Variants in ADGRL2 observed in about 807,000 individuals in gnomAD.
ADGRL2 encodes adhesion G protein-coupled receptor L2.
ADGRL2 carries 44 observed loss-of-function variants against 157.4 expected under a neutral mutation model. That is an observed-to-expected ratio of 0.28 (90% CI 0.22 to 0.36). The LOEUF (loss-of-function observed/expected upper bound fraction) is 0.36, where lower values mean the gene tolerates loss of function less well. Ranked by LOEUF, ADGRL2 falls within the 10% of genes least tolerant of loss-of-function variation. The pLI is 1.00. For missense variants in ADGRL2, 1,510 were observed against 1,768.9 expected (o/e 0.85, Z 2.63); for synonymous variants, 585 against 624.7 (o/e 0.94, Z 0.95).
chr1:81,544,066 C>G (rs1391075358), intron 2 of ADGRL2, among the ~76,000 whole-genome samples: 1 of 152,154 alleles, frequency 6.6e-6, no homozygotes, highest in African/African-American at 2.4e-5. Context: ...GTTTCAGATG[C>G]TAACCTCTAC....
At chr1:81,395,241 A>T (rs754439931) in intron 1 of ADGRL2, among the ~76,000 whole-genome samples, 4 of 152,056 alleles carry the variant, frequency 2.6e-5, no homozygotes, top group Non-Finnish European at 5.9e-5. Context: ...GGGTGAGATG[A>T]TATCTCATTG....
chr1:81,990,463 G>A lies in ADGRL2; in HGVS notation c.3728G>A (p.Ser1243Asn), dbSNP rs765624220. 5 of 1,614,108 alleles carry A rather than the reference G, an allele frequency of 3.1e-6. No homozygotes were observed. The highest frequency in any genetic ancestry group is 4.2e-6 in the Non-Finnish European group (5 of 1,179,956). The change falls in exon 24 of 24, where the codon AGC (serine) becomes AAC (asparagine). Residue 1243 changes from serine to asparagine, a missense_variant. Physicochemically the swap from Ser to Asn is conservative, Grantham distance 46. Transcript: ENST00000686636. ...TLPLNGNFNN[S>N]YSLHKGDYND... ...CCGCTAAATGGTAATTTTAACAACA[G>A]CTACTCGCTGCACAAGGGTGACTAT...
intron 3 of ADGRL2, among the ~76,000 whole-genome samples, chr1:81,641,625 A>G (rs961524432): frequency 2.6e-5 from 4 of 152,220 alleles, no homozygotes; most frequent in Non-Finnish European, 5.9e-5. Context: ...AAAATACTTG[A>G]AACTAAATGA....
intron 1 of ADGRL2, among the ~76,000 whole-genome samples, chr1:81,424,243 G>A (rs1333698708): frequency 6.6e-6 from 1 of 152,266 alleles, no homozygotes; most frequent in East Asian, 1.9e-4. Flanking sequence ...GTGTTTTCCC[G>A]ACAGCTGTAT....
intron 2 of ADGRL2, among the ~76,000 whole-genome samples, chr1:81,763,937 C>T (rs528274216): frequency 3.4e-4 from 51 of 148,532 alleles, no homozygotes; most frequent in Middle Eastern, 3.5e-3. Flanking sequence ...ACCCAGGAGG[C>T]GGATGTTGCA....
chr1:81,412,816 G>A (rs1466035508), intron 1 of ADGRL2, among the ~76,000 whole-genome samples: 1 of 152,190 alleles, frequency 6.6e-6, no homozygotes, highest in Non-Finnish European at 1.5e-5. Flanking sequence ...GGAAACATAT[G>A]AGTCAGTCCA....
intron 1 of ADGRL2, among the ~76,000 whole-genome samples, chr1:81,365,040 T>C (rs945981952): frequency 1.4e-4 from 21 of 152,194 alleles, no homozygotes; most frequent in Non-Finnish European, 2.9e-5. Flanking sequence ...ATTTATTTGC[T>C]TTCATTTGCT....
intron 1 of ADGRL2, among the ~76,000 whole-genome samples, chr1:81,410,216 T>G (rs2076924387): frequency 6.6e-6 from 1 of 152,238 alleles, no homozygotes; most frequent in Admixed American, 6.5e-5. Context: ...CTGCCATTCT[T>G]TTTTGTCATA....
intron 1 of ADGRL2, among the ~76,000 whole-genome samples, chr1:81,367,546 G>T (rs1027704196): frequency 2.0e-5 from 3 of 152,060 alleles, no homozygotes; most frequent in Admixed American, 2.0e-4. Flanking sequence ...CAAAGAACAT[G>T]ACCTTGTTTC....
Position 81,641,163 on chromosome 1 carries a change from A to G in ADGRL2, c.-143+60183A>G, listed in dbSNP as rs545714721. On this transcript the variant is annotated intron_variant, in intron 3 of 24. Transcript: ENST00000370721. ...TCAATTGAGATCTTTTTAAAAATATATATAAGGCAAATATCGACAGAACTG... is the reference window on the plus strand; with the variant it reads ...TCAATTGAGATCTTTTTAAAAATATGTATAAGGCAAATATCGACAGAACTG... 1.2e-4 allele frequency among the ~76,000 whole-genome samples: 19 copies of G among 152,330 alleles called. No individual in the cohort carries two copies. In the South Asian group the frequency reaches 1.4e-3, roughly 12 times the overall value.
chr1:81,914,407 G>A (rs1052427081), intron 3 of ADGRL2, among the ~76,000 whole-genome samples: 2 of 151,952 alleles, frequency 1.3e-5, no homozygotes, highest in Non-Finnish European at 2.9e-5. Flanking sequence ...TTTGGGGTTG[G>A]TATATTTTAT....
chr1:81,869,825 G>C (rs1164206174), intron 2 of ADGRL2, among the ~76,000 whole-genome samples: 2 of 151,906 alleles, frequency 1.3e-5, no homozygotes, highest in African/African-American at 4.8e-5. Context: ...GATTTAAGTT[G>C]AGTCTTCAAT....
At chr1:81,808,505 T>A (rs1479442381) in intron 1 of ADGRL2, among the ~76,000 whole-genome samples, 1 of 152,040 alleles carries the variant, frequency 6.6e-6, no homozygotes, top group Non-Finnish European at 1.5e-5. Flanking sequence ...TTGCATGACA[T>A]ACGAGAAACT....
intron 1 of ADGRL2, among the ~76,000 whole-genome samples, chr1:81,807,636 G>C (rs2089325223): frequency 6.6e-6 from 1 of 151,898 alleles, no homozygotes; most frequent in African/African-American, 2.4e-5. Flanking sequence ...CCTTGACTTA[G>C]TGTGGTAATT....
intron 1 of ADGRL2, among the ~76,000 whole-genome samples, chr1:81,365,207 A>C (rs1480389528): frequency 3.3e-5 from 5 of 152,296 alleles, no homozygotes; most frequent in Middle Eastern, 3.4e-3. Context: ...CAACAGAGTT[A>C]AGCCAAAAGG....
At chr1:81,419,864 G>C (rs987220180) in intron 1 of ADGRL2, among the ~76,000 whole-genome samples, 1 of 152,076 alleles carries the variant, frequency 6.6e-6, no homozygotes, top group Non-Finnish European at 1.5e-5. Context: ...CAGTGAAAAC[G>C]TCTGGTCTAA....
intron 2 of ADGRL2, among the ~76,000 whole-genome samples, chr1:81,862,583 G>GAATA (rs767654610): frequency 2.6e-5 from 4 of 152,110 alleles, no homozygotes; most frequent in African/African-American, 4.8e-5. Context: ...ATGAATGAAT[G>GAATA]AATGACAGAA....
At chr1:81,879,577 G>T (rs544332387) in intron 2 of ADGRL2, among the ~76,000 whole-genome samples, 167 of 148,420 alleles carry the variant, frequency 1.1e-3, no homozygotes, top group African/African-American at 4.0e-3. Flanking sequence ...TTTATAATGA[G>T]AAAGAAAGAA....
chr1:81,931,644 G>T (rs1039622289), intron 3 of ADGRL2, among the ~76,000 whole-genome samples: 1 of 152,058 alleles, frequency 6.6e-6, no homozygotes, highest in Non-Finnish European at 1.5e-5. Context: ...ATTTAATCAT[G>T]AATTATACCC....
Sources: gnomAD v4.1 joint callset for allele counts (sites outside exome capture counted in the v4.1 genomes callset) on GRCh38, gnomAD v4.1.1 for gene constraint, MANE v1.5 for transcripts, NCBI Gene and HGNC (gene_info 2026-07-23, HGNC 2026-07-21) for gene names.